STAU1: variants seen among roughly 807,000 people sequenced by gnomAD.
STAU1 encodes the protein staufen double-stranded RNA binding protein 1, also known as double-stranded RNA-binding protein Staufen homolog 1.
Under a neutral mutation model 62.9 loss-of-function variants are expected in STAU1, and 13 were observed. The observed-to-expected ratio is 0.21, with a 90% confidence interval of 0.13 to 0.33. The LOEUF (loss-of-function observed/expected upper bound fraction) is 0.33. STAU1 is among the 10% of genes least tolerant of loss of function. STAU1 has a pLI of 1.00. For missense variants in STAU1, 571 were observed against 712.1 expected (o/e 0.80, Z 2.25); for synonymous variants, 269 against 265.1 (o/e 1.01, Z -0.14).
In STAU1 at chr20:49,117,014, G is replaced by T; in HGVS notation, c.1632+112C>A. 1 of 1,366,374 alleles carries T rather than the reference G, an allele frequency of 7.3e-7. No homozygotes were observed. Among genetic ancestry groups the T allele is most frequent in the Non-Finnish European group, 1.0e-6 (1 of 992,640 alleles). The allele number at this position is 1,366,374 out of a possible 1,614,324, so 84.6% of individuals were successfully genotyped here. On this transcript the variant is annotated intron_variant, in intron 12 of 13. Coordinates refer to ENST00000371856, the MANE Select transcript of STAU1 (RefSeq NM_017453.4). This position sits in a 1 kb window ranked among gnomAD's most constrained non-coding sequence, Gnocchi z 4.6. Reference sequence around the variant, plus strand: ...CTATCAAACGATTCATTGCTCTCAAGGTCTATGGGACAATCTTTCTCCCAT... The same window carrying T: ...CTATCAAACGATTCATTGCTCTCAATGTCTATGGGACAATCTTTCTCCCAT...
intron 6 of STAU1, among the ~76,000 whole-genome samples, chr20:49,132,354 A>T (rs1488039572): frequency 6.6e-6 from 1 of 152,186 alleles, no homozygotes; most frequent in South Asian, 2.1e-4. Context: ...CCCCAATCTA[A>T]ATCTGGAGGA....
intron 5 of STAU1, among the ~76,000 whole-genome samples, chr20:49,138,151 C>T (rs1290936947): frequency 5.9e-5 from 9 of 152,002 alleles, no homozygotes; most frequent in African/African-American, 9.7e-5. Flanking sequence ...GGTGCGGTGT[C>T]GCACATCTGT....
At chr20:49,204,602 ATATATATATATATATATATATGTG>A in the STAU1 span, among the ~76,000 whole-genome samples, 200 of 43,140 alleles carry the variant, frequency 4.6e-3, 1 homozygote, top group East Asian at 0.022. Flanking sequence ...TTATATATAT[ATATATATATATATATATATATGTG>A]TATATATATA....
chr20:49,164,910 T>C (rs1293382254), intron 3 of STAU1, among the ~76,000 whole-genome samples: 1 of 152,158 alleles, frequency 6.6e-6, no homozygotes, highest in Admixed American at 6.5e-5. Context: ...TAAAAATAAA[T>C]AAATGTCAAT....
chr20:49,115,385 C>T (rs935275784), intron 13 of STAU1, among the ~76,000 whole-genome samples: 1 of 152,082 alleles, frequency 6.6e-6, no homozygotes, highest in Admixed American at 6.6e-5. Context: ...ACTGCAACCT[C>T]CGCCTCCCAG....
chr20:49,115,841 C>A lies in STAU1; in HGVS notation c.1659G>T (p.Leu553=), dbSNP rs2092309649. The A allele has an allele frequency of 6.2e-7, 1 of 1,613,950 alleles. No individual in the cohort carries two copies. The highest frequency in any genetic ancestry group is 1.7e-5 in the Admixed American group (1 of 59,988). The change falls in exon 13 of 14, where the codon CTG becomes CTT. Residue 553 remains leucine (L), a synonymous_variant. Coordinates refer to ENST00000371856, the MANE Select transcript of STAU1 (RefSeq NM_017453.4). ...DMAALNILKL[L]SELDQQSTEM... is the part of the protein sequence containing the mutation. ...CTGTACTTTGTTGGTCCAACTCAGA[C>A]AGCAACTTTAAGATGTTCAGCGCAG...
At chr20:49,128,367 T>C (rs1269012184) in intron 6 of STAU1, among the ~76,000 whole-genome samples, 1 of 152,058 alleles carries the variant, frequency 6.6e-6, no homozygotes, top group African/African-American at 2.4e-5. Flanking sequence ...AATATACATA[T>C]TTCCTAGCTC....
At chr20:49,126,574 C>CAAAAAAAAAAAAAAAAAAAAA (rs58056780) in intron 6 of STAU1, among the ~76,000 whole-genome samples, 2 of 25,038 alleles carry the variant, frequency 8.0e-5, no homozygotes, top group African/African-American at 1.4e-4. Context: ...TCTCAAAAAG[C>CAAAAAAAAAAAAAAAAAAAAA]AAAAAAAAAA....
intron 5 of STAU1, among the ~76,000 whole-genome samples, chr20:49,142,949 C>T (rs1256267555): frequency 6.6e-6 from 1 of 152,048 alleles, no homozygotes; most frequent in Non-Finnish European, 1.5e-5. Context: ...ACTACAGGTA[C>T]ATGCCACCAT....
the STAU1 span, among the ~76,000 whole-genome samples, chr20:49,216,206 A>G: frequency 2.0e-5 from 3 of 151,226 alleles, no homozygotes; most frequent in African/African-American, 7.3e-5. Context: ...TGTGGGCAAC[A>G]TGGCAAGACC....
At chr20:49,216,007 CAAAAAA>C in the STAU1 span, among the ~76,000 whole-genome samples, 8 of 36,458 alleles carry the variant, frequency 2.2e-4, no homozygotes, top group African/African-American at 3.6e-4. Context: ...GACTATGTCT[CAAAAAA>C]AAAAAAAAAA....
intron 3 of STAU1, among the ~76,000 whole-genome samples, chr20:49,163,475 G>A (rs1738289719): frequency 7.2e-6 from 1 of 139,046 alleles, no homozygotes; most frequent in East Asian, 2.1e-4. Flanking sequence ...GCCCAGACTG[G>A]AGTGCGGTGA....
intron 4 of STAU1, among the ~76,000 whole-genome samples, chr20:49,153,301 C>G (rs61418814): frequency 0.31 from 46,159 of 147,334 alleles, 8,601 homozygotes; most frequent in Middle Eastern, 0.48. Flanking sequence ...GTGGCTCACA[C>G]TTTAATCCTA....
chr20:49,152,340 C>CTTTTTTTT (rs3092547), intron 4 of STAU1, among the ~76,000 whole-genome samples: 6 of 104,578 alleles, frequency 5.7e-5, no homozygotes, highest in Admixed American at 1.1e-4. Context: ...CCACTAATGT[C>CTTTTTTTT]TTTTTTTTTT....
chr20:49,155,265 T>C (rs2093340418), intron 3 of STAU1, among the ~76,000 whole-genome samples: 1 of 152,222 alleles, frequency 6.6e-6, no homozygotes, highest in African/African-American at 2.4e-5. Flanking sequence ...GGTATTTCCA[T>C]TCTTGACATT....
chr20:49,219,144 T>G, the STAU1 span, among the ~76,000 whole-genome samples: 1 of 151,158 alleles, frequency 6.6e-6, no homozygotes, highest in African/African-American at 2.4e-5. Flanking sequence ...ACATCTAGAG[T>G]TTATAAATGC....
At chr20:49,132,716 G>A (rs2092777799) in intron 6 of STAU1, among the ~76,000 whole-genome samples, 1 of 152,080 alleles carries the variant, frequency 6.6e-6, no homozygotes, top group Non-Finnish European at 1.5e-5. Flanking sequence ...CTGAGATCGT[G>A]CCATTGTACT....
chr20:49,117,817 G>A lies in STAU1; in HGVS notation c.1469C>T (p.Ser490Phe). ...TCTGGAAAGATAGTCCAGTTGCTCA[G>A]AGGGTCTCGTGAGAGGTCCATGGGG... is the stretch of plus-strand genomic sequence containing the variant. The part of the protein sequence containing the change: ...HVPHGPLTRP[S>F]EQLDYLSRVQ... The change falls in exon 11 of 14, where the codon TCT (serine) becomes TTT (phenylalanine). Residue 490 changes from serine to phenylalanine, a missense_variant. Physicochemically the swap from Ser to Phe is radical, Grantham distance 155. Transcript: ENST00000371856. The surrounding 1 kb of genome is among the most constrained non-coding windows in gnomAD (Gnocchi z 4.6). The A allele has an allele frequency of 6.2e-7, 1 of 1,614,016 alleles. No individual in the cohort carries two copies. The highest frequency in any genetic ancestry group is 8.5e-7 in the Non-Finnish European group (1 of 1,179,980).
intron 8 of STAU1, among the ~76,000 whole-genome samples, chr20:49,120,845 A>C (rs1200215737): frequency 6.6e-6 from 1 of 152,020 alleles, no homozygotes; most frequent in Non-Finnish European, 1.5e-5. Flanking sequence ...CCCAGGATGG[A>C]GTGCAATGGC....
Sources: gnomAD v4.1 joint callset for allele counts (sites outside exome capture counted in the v4.1 genomes callset) on GRCh38, gnomAD v4.1.1 for gene constraint, Gnocchi (gnomAD v3.1) non-coding constraint, MANE v1.5 for transcripts, NCBI Gene and HGNC (gene_info 2026-07-23, HGNC 2026-07-21) for gene names.